SORBS2: variants seen among roughly 807,000 people sequenced by gnomAD.
SORBS2 encodes sorbin and SH3 domain-containing protein 2.
Under a neutral mutation model 97.7 loss-of-function variants are expected in SORBS2, and 46 were observed. That is an observed-to-expected ratio of 0.47 (90% CI 0.37 to 0.60). The LOEUF is 0.60. SORBS2 is among the 20% of genes least tolerant of loss of function. The pLI is 0.00. For missense variants in SORBS2, 1,316 were observed against 1,282.3 expected (o/e 1.03, Z -0.40); for synonymous variants, 476 against 473.4 (o/e 1.01, Z -0.07).
chr4:185,702,415 A>C (rs563686678), intron 2 of SORBS2, among the ~76,000 whole-genome samples: 1 of 152,328 alleles, frequency 6.6e-6, no homozygotes, highest in East Asian at 1.9e-4. Flanking sequence ...TGAATAGAGC[A>C]AGAACTCACT....
rs184448945 is a variant in SORBS2 at position 185,860,212 on chromosome 4, T to G, written c.-337-84846A>C. Among the ~76,000 whole-genome samples, 607 of 152,228 alleles carry G rather than the reference T, an allele frequency of 4.0e-3. 7 individuals are homozygous for G. Among genetic ancestry groups the G allele is most frequent in the African/African-American group, 0.014 (567 of 41,572 alleles). On this transcript the variant is annotated intron_variant, in intron 1 of 20. Transcript: ENST00000284776. ...TTCGGGAAGCAACTGTTGAACCCTA[T>G]AAGTCTCAAAGACTGCACCAGCTAC...
intron 1 of SORBS2, among the ~76,000 whole-genome samples, chr4:185,823,592 G>T (rs1006704157): frequency 2.0e-5 from 3 of 149,728 alleles, no homozygotes; most frequent in East Asian, 2.0e-4. Flanking sequence ...AAAAGTCAGA[G>T]AAAGATTTGA....
At chr4:185,642,596 C>T (rs1169572400) in intron 4 of SORBS2, among the ~76,000 whole-genome samples, 1 of 152,138 alleles carries the variant, frequency 6.6e-6, no homozygotes, top group Non-Finnish European at 1.5e-5. Context: ...AAGTACTTTT[C>T]CAGATCAAAC....
rs367793235 is a variant in SORBS2 at position 185,638,033 on chromosome 4, C to G, written c.397-7435G>C. ...TGATAATTGTATTTTAGAAATCAAA[C>G]AGTATACTCCTAGTTTTCTTATATT... On this transcript the variant is annotated intron_variant, in intron 4 of 14. Transcript: ENST00000418609. 5.3e-5 allele frequency: 60 copies of G among 1,135,378 alleles called. No homozygotes were observed. In the East Asian group the frequency reaches 6.8e-4, roughly 13 times the overall value. The allele number at this position is 1,135,378 out of a possible 1,614,324, so 70.3% of individuals were successfully genotyped here.
chr4:185,835,521 A>C (rs757582710), intron 1 of SORBS2, among the ~76,000 whole-genome samples: 1 of 152,222 alleles, frequency 6.6e-6, no homozygotes, highest in South Asian at 2.1e-4. Context: ...ATAATTTGTC[A>C]ACAGAACATT....
chr4:185,911,375 G>A (rs985224963), intron 1 of SORBS2, among the ~76,000 whole-genome samples: 1 of 152,034 alleles, frequency 6.6e-6, no homozygotes, highest in Non-Finnish European at 1.5e-5. Context: ...CTACAGGTGT[G>A]CACCACCATG....
intron 1 of SORBS2, among the ~76,000 whole-genome samples, chr4:185,827,761 ATCAT>A: frequency 6.8e-6 from 1 of 146,326 alleles, no homozygotes; most frequent in East Asian, 2.0e-4. Flanking sequence ...CATCATCACC[ATCAT>A]CATCACCATC....
intron 1 of SORBS2, among the ~76,000 whole-genome samples, chr4:185,852,320 G>A (rs1017817958): frequency 6.6e-6 from 1 of 152,128 alleles, no homozygotes; most frequent in Non-Finnish European, 1.5e-5. Flanking sequence ...ATTGCTGTAG[G>A]TTCACCAACC....
intron 1 of SORBS2, among the ~76,000 whole-genome samples, chr4:185,792,633 T>G (rs2099085776): frequency 6.6e-6 from 1 of 152,004 alleles, no homozygotes; most frequent in South Asian, 2.1e-4. Context: ...GAAAAAAAAT[T>G]GTTGACATCC....
At chr4:185,827,231 T>TCAC (rs2099200969) in intron 1 of SORBS2, among the ~76,000 whole-genome samples, 1 of 67,424 alleles carries the variant, frequency 1.5e-5, no homozygotes, top group Admixed American at 1.6e-4. Context: ...ACCATCATCA[T>TCAC]CATCACCATC....
chr4:185,874,412 GT>G (rs1360983911), intron 1 of SORBS2, among the ~76,000 whole-genome samples: 1 of 152,162 alleles, frequency 6.6e-6, no homozygotes, highest in Non-Finnish European at 1.5e-5. Context: ...CTTTCTGAGG[GT>G]AAGAGTTCGG....
chr4:185,671,683 G>A (rs952099519), intron 4 of SORBS2, among the ~76,000 whole-genome samples: 18 of 152,244 alleles, frequency 1.2e-4, no homozygotes, highest in African/African-American at 3.1e-4. Flanking sequence ...GAAGGATCAC[G>A]TGAACACTGT....
intron 2 of SORBS2, among the ~76,000 whole-genome samples, chr4:185,685,051 G>A (rs562974978): frequency 7.9e-5 from 12 of 152,298 alleles, no homozygotes; most frequent in Middle Eastern, 3.4e-3. Flanking sequence ...CCAGGGATCT[G>A]TCTTAGAAAT....
chr4:185,833,391 T>C (rs2099206196), intron 1 of SORBS2, among the ~76,000 whole-genome samples: 2 of 152,260 alleles, frequency 1.3e-5, no homozygotes, highest in Admixed American at 6.5e-5. Flanking sequence ...ATCATGTACA[T>C]GGCTCCTGGG....
chr4:185,868,147 C>CTTTTTTCTTTTTTTTTTTTTT (rs1554043746), intron 1 of SORBS2, among the ~76,000 whole-genome samples: 10 of 89,760 alleles, frequency 1.1e-4, no homozygotes, highest in Non-Finnish European at 2.0e-4. Flanking sequence ...CTTTTCTTTT[C>CTTTTTTCTTTTTTTTTTTTTT]TTTTTTTCTT....
intron 5 of SORBS2, among the ~76,000 whole-genome samples, chr4:185,627,604 C>G (rs1318103413): frequency 6.6e-6 from 1 of 152,184 alleles, no homozygotes; most frequent in Non-Finnish European, 1.5e-5. Flanking sequence ...TTTCCTCTTG[C>G]ACAGTTTCCC....
chr4:185,767,499 C>CAAAAAAAAAAAA (rs70962594), intron 2 of SORBS2, among the ~76,000 whole-genome samples: 2 of 60,688 alleles, frequency 3.3e-5, no homozygotes, highest in East Asian at 7.1e-4. Context: ...GACTCTGTCT[C>CAAAAAAAAAAAA]AAAAAAAAAA....
chr4:185,587,639 G>A (rs2095816344), exon 15 of SORBS2: 1 of 1,613,280 alleles, frequency 6.2e-7, no homozygotes, highest in Non-Finnish European at 8.5e-7. Flanking sequence ...ACAGCCTCTT[G>A]ACGTAGTTTC....
intron 1 of SORBS2, among the ~76,000 whole-genome samples, chr4:185,780,166 T>A (rs11132348): frequency 6.6e-6 from 1 of 151,640 alleles, no homozygotes; most frequent in Non-Finnish European, 1.5e-5. Context: ...CAGGCATGCA[T>A]CACCACACCC....
Sources: gnomAD v4.1 joint callset for allele counts (sites outside exome capture counted in the v4.1 genomes callset) on GRCh38, gnomAD v4.1.1 for gene constraint, MANE v1.5 for transcripts, NCBI Gene and HGNC (gene_info 2026-07-23, HGNC 2026-07-21) for gene names.